The following CALN1 variants were observed in gnomAD, a reference collection of about 807,000 sequenced individuals.
CALN1 encodes calneuron 1, also known as calcium-binding protein 8.
Under a neutral mutation model 30.6 loss-of-function variants are expected in CALN1, and 17 were observed. The ratio of observed to expected loss-of-function variants is 0.56; its 90% CI spans 0.38 to 0.83. CALN1 has a LOEUF of 0.83. Among genes scored for constraint, CALN1 ranks in the 40% least tolerant of loss-of-function variants. CALN1 has a pLI of 0.00. For synonymous variants in CALN1, 156 were observed against 131.4 expected (o/e 1.19, Z -1.28); for missense variants, 291 against 354.9 (o/e 0.82, Z 1.45).
chr7:72,218,003 C>CAG (rs1792970266), intron 3 of CALN1, among the ~76,000 whole-genome samples: 1 of 151,374 alleles, frequency 6.6e-6, no homozygotes, highest in Non-Finnish European at 1.5e-5. Context: ...CCACTGCGCC[C>CAG]AGATAGTTTT....
chr7:72,306,779 A>C (rs1799683324), intron 2 of CALN1, among the ~76,000 whole-genome samples: 1 of 152,106 alleles, frequency 6.6e-6, no homozygotes, highest in African/African-American at 2.4e-5. Flanking sequence ...TCCCTCCCTA[A>C]TATGTATAAA....
intron 3 of CALN1, among the ~76,000 whole-genome samples, chr7:72,237,709 C>G (rs1410576186): frequency 6.6e-6 from 1 of 152,172 alleles, no homozygotes; most frequent in African/African-American, 2.4e-5. Flanking sequence ...AGGAGTTCCC[C>G]AAAATGACCA....
At chr7:72,180,707 A>G (rs1027266387) in intron 3 of CALN1, among the ~76,000 whole-genome samples, 4 of 150,106 alleles carry the variant, frequency 2.7e-5, no homozygotes, top group African/African-American at 7.4e-5. Flanking sequence ...TCCCAGGCTC[A>G]AGTGATCCTC....
At chr7:72,030,543 T>G (rs1279414435) in intron 4 of CALN1, among the ~76,000 whole-genome samples, 2 of 152,140 alleles carry the variant, frequency 1.3e-5, no homozygotes, top group Admixed American at 6.5e-5. Context: ...CCCAGAGGTC[T>G]GATCCCTATG....
chr7:72,235,728 G>T (rs146915289), intron 3 of CALN1, among the ~76,000 whole-genome samples: 1 of 137,466 alleles, frequency 7.3e-6, no homozygotes, highest in Admixed American at 8.4e-5. Flanking sequence ...GCTGTCTTAT[G>T]TTGTTATTAA....
chr7:72,298,703 T>C (rs1026045922), intron 2 of CALN1, among the ~76,000 whole-genome samples: 2 of 151,852 alleles, frequency 1.3e-5, no homozygotes, highest in African/African-American at 4.8e-5. Context: ...TTCCCAAATG[T>C]TGTGGGAGGG....
intron 5 of CALN1, among the ~76,000 whole-genome samples, chr7:71,860,091 G>C (rs1791183394): frequency 6.6e-6 from 1 of 152,030 alleles, no homozygotes; most frequent in Admixed American, 6.6e-5. Flanking sequence ...TATCTCCCAG[G>C]ATATTTTTGC....
At position 71,787,812 on chromosome 7, in the gene CALN1, A is replaced by G; in HGVS notation, c.749T>C (p.Ile250Thr). ...GCTCCGGAGTATCTGGTTGGCTGCA[A>G]TCAGCATGACACTGATGATGAAGGC... ...AMAFIISVML[I>T]AANQILRSGM... The change falls in exon 7 of 7, where the codon ATT becomes ACT. Residue 250 changes from isoleucine (I) to threonine (T), a missense_variant. By Grantham distance (89) the Ile-to-Thr change is moderately conservative. Coordinates refer to ENST00000395275, the MANE Select transcript of CALN1 (RefSeq NM_031468.4). 6.2e-7 allele frequency: 1 copy of G among 1,614,138 alleles called. No individual in the cohort carries two copies. The highest frequency in any genetic ancestry group is 8.5e-7 in the Non-Finnish European group (1 of 1,180,028).
chr7:71,913,452 T>C (rs1467853103), intron 5 of CALN1, among the ~76,000 whole-genome samples: 1 of 152,236 alleles, frequency 6.6e-6, no homozygotes, highest in Non-Finnish European at 1.5e-5. Context: ...TTGTAGGTAC[T>C]AACTATAGAA....
At chr7:72,062,129 A>T (rs1803697501) in intron 4 of CALN1, among the ~76,000 whole-genome samples, 1 of 152,202 alleles carries the variant, frequency 6.6e-6, no homozygotes, top group South Asian at 2.1e-4. Flanking sequence ...AGTCAAAATG[A>T]AGACATTTTC....
intron 3 of CALN1, among the ~76,000 whole-genome samples, chr7:72,241,505 G>A (rs1318787153): frequency 6.6e-6 from 1 of 152,080 alleles, no homozygotes; most frequent in African/African-American, 2.4e-5. Context: ...TCAGGAGTTC[G>A]AGAGCAGCCT....
chr7:72,370,026 T>C (rs1207595589), intron 2 of CALN1, among the ~76,000 whole-genome samples: 2 of 152,350 alleles, frequency 1.3e-5, no homozygotes, highest in Admixed American at 1.3e-4. Context: ...ATGTGTGTTA[T>C]TTTTAAAACC....
chr7:72,114,330 G>A (rs1399865205), intron 3 of CALN1, among the ~76,000 whole-genome samples: 2 of 138,046 alleles, frequency 1.4e-5, no homozygotes, highest in East Asian at 2.7e-4. Flanking sequence ...TGTAGTTTAC[G>A]TGATGGCATT....
At chr7:71,873,905 T>A (rs1306733997) in intron 5 of CALN1, among the ~76,000 whole-genome samples, 2 of 152,210 alleles carry the variant, frequency 1.3e-5, no homozygotes, top group African/African-American at 4.8e-5. Flanking sequence ...GATATATACA[T>A]TCAACTAACC....
At chr7:72,166,345 G>T (rs568615547) in intron 3 of CALN1, among the ~76,000 whole-genome samples, 1 of 152,094 alleles carries the variant, frequency 6.6e-6, no homozygotes, top group South Asian at 2.1e-4. Flanking sequence ...GGGACTACAA[G>T]TATGAGCCAT....
chr7:72,283,575 G>A (rs1288312053), intron 2 of CALN1, among the ~76,000 whole-genome samples: 5 of 152,176 alleles, frequency 3.3e-5, no homozygotes, highest in African/African-American at 9.7e-5. Flanking sequence ...CTTAGCACCA[G>A]GCATCTGCTC....
At chr7:72,042,527 G>A (rs1224161538) in intron 4 of CALN1, among the ~76,000 whole-genome samples, 1 of 152,146 alleles carries the variant, frequency 6.6e-6, no homozygotes, top group Non-Finnish European at 1.5e-5. Context: ...TTCATTGGGA[G>A]CTGGTCATGC....
chr7:71,854,046 T>C (rs1790798577), intron 5 of CALN1, among the ~76,000 whole-genome samples: 1 of 152,014 alleles, frequency 6.6e-6, no homozygotes. Context: ...CCTAAATTAA[T>C]TTGTGTGTGT....
chr7:72,399,270 C>CTTT (rs5884888), intron 2 of CALN1, among the ~76,000 whole-genome samples: 46,157 of 106,498 alleles, frequency 0.43, 11,206 homozygotes, highest in East Asian at 0.65. Context: ...TAACCTATTG[C>CTTT]TTTTTTTTTT....
Sources: gnomAD v4.1 joint callset for allele counts (sites outside exome capture counted in the v4.1 genomes callset) on GRCh38, gnomAD v4.1.1 for gene constraint, MANE v1.5 for transcripts, NCBI Gene and HGNC (gene_info 2026-07-23, HGNC 2026-07-21) for gene names.